DRC1: variants seen among roughly 807,000 people sequenced by gnomAD.
DRC1 encodes dynein regulatory complex protein 1.
Under a neutral mutation model 98.7 loss-of-function variants are expected in DRC1, and 74 were observed. The ratio of observed to expected loss-of-function variants is 0.75; its 90% CI spans 0.62 to 0.91. DRC1 has a LOEUF of 0.91. DRC1 is among the 40% of genes least tolerant of loss of function. The pLI is 0.00. For synonymous variants in DRC1, 336 were observed against 334.1 expected (o/e 1.01, Z -0.06); for missense variants, 875 against 886.0 (o/e 0.99, Z 0.16).
chr2:26,406,899 C>G (rs774355552), intron 1 of DRC1, among the ~76,000 whole-genome samples: 16 of 143,384 alleles, frequency 1.1e-4, no homozygotes, highest in Non-Finnish European at 2.4e-4. Flanking sequence ...CTCACTGCAA[C>G]TTCCACCAGC....
At position 26,433,279 on chromosome 2, in the gene DRC1, T is replaced by C. The variant is rs578255440; in HGVS notation, c.888+1273T>C. Among the ~76,000 whole-genome samples the C allele has an allele frequency of 4.6e-5, 7 of 152,360 alleles. No homozygotes were observed. The East Asian group carries it at 1.4e-3, about 29-fold the overall frequency. ...TATGGTCTGTTCATTTCAGTCTCTATGTAGAAAAAGGTGTTAGATGAAAGC... is the reference window on the plus strand; with the variant it reads ...TATGGTCTGTTCATTTCAGTCTCTACGTAGAAAAAGGTGTTAGATGAAAGC... On this transcript the variant is annotated intron_variant, in intron 7 of 16. Coordinates refer to ENST00000288710, the MANE Select transcript of DRC1 (RefSeq NM_145038.5).
At chr2:26,425,957 T>C (rs1663273811) in intron 4 of DRC1, among the ~76,000 whole-genome samples, 1 of 152,194 alleles carries the variant, frequency 6.6e-6, no homozygotes. Context: ...GGGATTTTGG[T>C]GTGATATCCA....
At chr2:26,402,188 C>T in intron 1 of DRC1, 44 bp downstream of exon 1, 1 of 1,518,674 alleles carries the variant, frequency 6.6e-7, no homozygotes, top group South Asian at 1.3e-5. Flanking sequence ...CCGCAGGAGC[C>T]GGAGAAGGGC....
At chr2:26,437,391 T>A (rs1239128386) in intron 7 of DRC1, among the ~76,000 whole-genome samples, 1 of 152,154 alleles carries the variant, frequency 6.6e-6, no homozygotes, top group Non-Finnish European at 1.5e-5. Context: ...TCCTTTGTAG[T>A]TGTAGTTGAA....
At position 26,456,590 on chromosome 2, in the gene DRC1, C is replaced by T; in HGVS notation, c.*73C>T. 6.4e-7 allele frequency: 1 copy of T among 1,573,706 alleles called. No homozygotes were observed. ...TCTGTGCCGGAGCCAGCTCATATCA[C>T]CCACTGGGCCGCACCTGGGCCTGCT... On this transcript the variant is annotated 3_prime_UTR_variant, in exon 17 of 17. Coordinates refer to ENST00000288710, the MANE Select transcript of DRC1 (RefSeq NM_145038.5).
rs893732608 is a variant in DRC1, at chr2:26,454,453, G to C, written c.1920-194G>C. On this transcript the variant is annotated intron_variant, in intron 14 of 16. Coordinates refer to ENST00000288710, the MANE Select transcript of DRC1 (RefSeq NM_145038.5). The surrounding 1 kb of genome is among the most constrained non-coding windows in gnomAD (Gnocchi z 5.2). ...GAAGCACGGATTATGCCCTCACGAA[G>C]GTACCGGTGGTACCGAGGCAGGAAC... 2.6e-5 allele frequency among the ~76,000 whole-genome samples: 4 copies of C among 152,152 alleles called. No homozygotes were observed. Among genetic ancestry groups the C allele is most frequent in the Admixed American group, 2.6e-4 (4 of 15,282 alleles).
At chr2:26,456,414 G>A (rs760230099) in intron 16 of DRC1, 47 bp from the exon 17 acceptor site, 2 of 1,612,816 alleles carry the variant, frequency 1.2e-6, no homozygotes, top group Non-Finnish European at 1.7e-6. Flanking sequence ...TGGCAAAGAA[G>A]GAGGGCCCTG....
intron 7 of DRC1, among the ~76,000 whole-genome samples, chr2:26,438,231 A>G (rs956674957): frequency 6.6e-6 from 1 of 152,188 alleles, no homozygotes; most frequent in African/African-American, 2.4e-5. Flanking sequence ...AACTATGTAA[A>G]GGACAGTGGA....
At position 26,453,523 on chromosome 2, in the gene DRC1, C is replaced by G. The variant is rs755020111; in HGVS notation, c.1893C>G (p.Ala631=). 5 of 1,614,022 alleles carry G rather than the reference C, an allele frequency of 3.1e-6. No homozygotes were observed. Among genetic ancestry groups the G allele is most frequent in the Non-Finnish European group, 4.2e-6 (5 of 1,180,030 alleles). Residue 631 remains alanine, a synonymous_variant, in exon 14 of 17, where the codon GCC becomes GCG. Coordinates refer to ENST00000288710, the MANE Select transcript of DRC1 (RefSeq NM_145038.5). Reference sequence around the variant, plus strand: ...ATGATGTCCTCAAGATTCTGGAGGCCTTCGTCATGGGTCTGAAGAAGCCTA... The same window carrying G: ...ATGATGTCCTCAAGATTCTGGAGGCGTTCGTCATGGGTCTGAAGAAGCCTA... ...HPNDVLKILE[A]FVMGLKKPRD...
intron 4 of DRC1, among the ~76,000 whole-genome samples, chr2:26,424,767 C>A (rs1309200050): frequency 6.6e-6 from 1 of 152,122 alleles, no homozygotes; most frequent in Non-Finnish European, 1.5e-5. Context: ...GCCTGGCCAA[C>A]ATGGTGAAAC....
At chr2:26,415,211 G>C (rs1489763451) in intron 2 of DRC1, among the ~76,000 whole-genome samples, 4 of 152,130 alleles carry the variant, frequency 2.6e-5, no homozygotes. Context: ...GGGATGCTGA[G>C]GGATAAACAG....
intron 3 of DRC1, among the ~76,000 whole-genome samples, chr2:26,422,031 G>C (rs1403850784): frequency 6.6e-6 from 1 of 152,202 alleles, no homozygotes; most frequent in Non-Finnish European, 1.5e-5. Flanking sequence ...TGTGTAAAGG[G>C]TTGTAGTAAC....
intron 1 of DRC1, among the ~76,000 whole-genome samples, chr2:26,405,775 C>T (rs1678403901): frequency 6.6e-6 from 1 of 150,624 alleles, no homozygotes; most frequent in South Asian, 2.1e-4. Context: ...ATTCTCCTGG[C>T]TCAGCCTCCC....
intron 4 of DRC1, 106 bp downstream of exon 4, chr2:26,424,560 T>G (rs1663235703): frequency 4.3e-6 from 5 of 1,162,228 alleles, no homozygotes; most frequent in African/African-American, 1.5e-5. Flanking sequence ...ACCTTTTACT[T>G]CATTATTTAG....
At chr2:26,436,334 G>A (rs1663570380) in intron 7 of DRC1, among the ~76,000 whole-genome samples, 1 of 151,936 alleles carries the variant, frequency 6.6e-6, no homozygotes, top group Admixed American at 6.6e-5. Flanking sequence ...TTGGAGACAG[G>A]GTCTTCCTCT....
At chr2:26,443,266 A>G (rs79555884) in intron 8 of DRC1, among the ~76,000 whole-genome samples, 5,829 of 152,290 alleles carry the variant, frequency 0.038, 153 homozygotes, top group Middle Eastern at 0.065. Context: ...GGCACTGATA[A>G]GAGCCACCTC....
Position 26,444,757 on chromosome 2 carries a change from G to A in DRC1, c.1205G>A (p.Trp402Ter), listed in dbSNP as rs1393698498. 1.2e-6 allele frequency: 2 copies of A among 1,614,030 alleles called. No homozygotes were observed. Among genetic ancestry groups the A allele is most frequent in the Admixed American group, 1.7e-5 (1 of 60,002 alleles). ...LIDDEKFWEI[W>*]LMNEEEAKDL... is the part of the protein sequence containing the mutation. The stretch of plus-strand genomic sequence containing the variant: ...GATGATGAGAAGTTTTGGGAGATTT[G>A]GCTGATGAATGAAGAGGAGGCGAAG... The change falls in exon 10 of 17, where the codon TGG becomes TAG. Residue 402 changes from tryptophan to a stop codon, truncating the protein, a stop_gained. Transcript: ENST00000288710. LOFTEE classifies it high-confidence loss of function.
rs5830010 is a variant in DRC1 at position 26,406,813 on chromosome 2, CTTTTT to C, written c.155+4687_155+4691del. 5.6e-4 allele frequency among the ~76,000 whole-genome samples: 57 copies of C among 101,616 alleles called. 1 individual carries two copies. The Middle Eastern group carries it at 0.019, about 33-fold the overall frequency. 66.7% of individuals were successfully genotyped at this position (101,616 alleles called of 152,430 possible). ...GACATTTCTGGGAGATGTCACTTTCCTTTTTTTTTTTTTTTTTTTTTTGAGACAGG... is the reference window on the plus strand; with the variant it reads ...GACATTTCTGGGAGATGTCACTTTCCTTTTTTTTTTTTTTTTTGAGACAGG... On this transcript the variant is annotated intron_variant, in intron 1 of 16. Coordinates refer to ENST00000288710, the MANE Select transcript of DRC1 (RefSeq NM_145038.5).
intron 10 of DRC1, among the ~76,000 whole-genome samples, chr2:26,446,962 C>A (rs567920668): frequency 7.9e-5 from 12 of 151,872 alleles, no homozygotes; most frequent in Non-Finnish European, 1.3e-4. Flanking sequence ...TCATGGCGTG[C>A]GCCTGTAATC....
Sources: gnomAD v4.1 joint callset for allele counts (sites outside exome capture counted in the v4.1 genomes callset) on GRCh38, gnomAD v4.1.1 for gene constraint, Gnocchi (gnomAD v3.1) non-coding constraint, MANE v1.5 for transcripts, NCBI Gene and HGNC (gene_info 2026-07-23, HGNC 2026-07-21) for gene names.